The following CPEB3 variants were observed in gnomAD, a reference collection of about 807,000 sequenced individuals.
CPEB3 encodes cytoplasmic polyadenylation element binding protein 3, also known as cytoplasmic polyadenylation element-binding protein 3.
In CPEB3, 20 loss-of-function variants were observed where a neutral mutation model predicts 67.2. The ratio of observed to expected loss-of-function variants is 0.30; its 90% CI spans 0.21 to 0.43. The LOEUF is 0.43. Among genes scored for constraint, CPEB3 ranks in the 20% least tolerant of loss-of-function variants. The pLI is 1.00. For synonymous variants in CPEB3, 376 were observed against 393.1 expected, an observed-to-expected ratio of 0.96 and a Z score of 0.51; for missense variants, 746 against 968.6, an observed-to-expected ratio of 0.77 and a Z score of 3.05.
At position 92,194,503 on chromosome 10, in the gene CPEB3, A is replaced by T. The variant is rs528011961; in HGVS notation, c.1006-1867T>A. On this transcript the variant is annotated intron_variant, in intron 2 of 9. Coordinates refer to ENST00000265997, the MANE Select transcript of CPEB3 (RefSeq NM_014912.5). ...AAGATAATGGCAAAAAGGAAAAAAA[A>T]TTTTTAATGTGTCCAAAGTACGAAA... Among the ~76,000 whole-genome samples the T allele has an allele frequency of 3.9e-4, 60 of 152,256 alleles. No homozygotes were observed. In the East Asian group the frequency reaches 7.7e-3, roughly 20 times the overall value.
intron 1 of CPEB3, among the ~76,000 whole-genome samples, chr10:92,287,769 T>C (rs1315716663): frequency 6.6e-6 from 1 of 152,228 alleles, no homozygotes; most frequent in Non-Finnish European, 1.5e-5. Flanking sequence ...TCTAATTTTA[T>C]CTTATTTGTG....
chr10:92,061,824 G>A (rs889359544), intron 9 of CPEB3, among the ~76,000 whole-genome samples: 1 of 152,182 alleles, frequency 6.6e-6, no homozygotes, highest in Non-Finnish European at 1.5e-5. Flanking sequence ...AAAATAAGGA[G>A]TGTAATTGGA....
intron 2 of CPEB3, among the ~76,000 whole-genome samples, chr10:92,197,335 A>G (rs1327106113): frequency 6.6e-6 from 1 of 152,234 alleles, no homozygotes; most frequent in Non-Finnish European, 1.5e-5. Flanking sequence ...ATTAACCAGG[A>G]AGTCTGCAAA....
chr10:92,274,651 T>G (rs189767937), intron 1 of CPEB3, among the ~76,000 whole-genome samples: 6 of 152,040 alleles, frequency 3.9e-5, no homozygotes, highest in African/African-American at 7.2e-5. Context: ...GACCAGCCTC[T>G]CCAACATGGT....
chr10:92,171,989 G>T (rs1848024847), intron 4 of CPEB3, among the ~76,000 whole-genome samples: 1 of 152,088 alleles, frequency 6.6e-6, no homozygotes, highest in Admixed American at 6.6e-5. Flanking sequence ...AGGGGTTAAA[G>T]TGTCCATTTA....
At chr10:92,156,659 T>C (rs574702663) in intron 4 of CPEB3, among the ~76,000 whole-genome samples, 2 of 152,328 alleles carry the variant, frequency 1.3e-5, no homozygotes, top group Non-Finnish European at 2.9e-5. Context: ...ACAAGTATGG[T>C]ACAAAATATG....
chr10:92,225,769 C>T (rs894680204), intron 2 of CPEB3, among the ~76,000 whole-genome samples: 1 of 151,872 alleles, frequency 6.6e-6, no homozygotes, highest in African/African-American at 2.4e-5. Flanking sequence ...GAAAATATAC[C>T]AAAACATTAA....
At chr10:92,129,194 C>G (rs1230436276) in intron 6 of CPEB3, among the ~76,000 whole-genome samples, 1 of 152,160 alleles carries the variant, frequency 6.6e-6, no homozygotes, top group African/African-American at 2.4e-5. Flanking sequence ...TTTGCAGGAA[C>G]ACAGATGGAG....
intron 9 of CPEB3, among the ~76,000 whole-genome samples, chr10:92,066,749 TA>T (rs1489802563): frequency 1.3e-5 from 2 of 152,158 alleles, no homozygotes; most frequent in African/African-American, 4.8e-5. Flanking sequence ...AAAGAATGTC[TA>T]AACATAAATT....
At chr10:92,284,285 C>T (rs1231698560) in intron 1 of CPEB3, among the ~76,000 whole-genome samples, 2 of 151,952 alleles carry the variant, frequency 1.3e-5, no homozygotes, top group African/African-American at 4.8e-5. Context: ...CATCCGCCCG[C>T]CTCAGCCTCC....
intron 4 of CPEB3, among the ~76,000 whole-genome samples, chr10:92,161,000 C>T (rs1164344394): frequency 6.6e-6 from 1 of 152,090 alleles, no homozygotes; most frequent in African/African-American, 2.4e-5. Context: ...AGCGATTCTC[C>T]CACCTCAGCC....
At chr10:92,286,376 G>T (rs1039493252) in intron 1 of CPEB3, among the ~76,000 whole-genome samples, 16 of 152,016 alleles carry the variant, frequency 1.1e-4, no homozygotes, top group African/African-American at 3.9e-4. Context: ...CTTGAGGTCA[G>T]GAGTTCAAGA....
intron 2 of CPEB3, among the ~76,000 whole-genome samples, chr10:92,236,755 C>T (rs1471110076): frequency 2.6e-5 from 4 of 152,084 alleles, no homozygotes; most frequent in South Asian, 2.1e-4. Context: ...GTCACACACA[C>T]ACACACACAC....
chr10:92,216,819 T>C, intron 2 of CPEB3: 4 of 1,606,914 alleles, frequency 2.5e-6, no homozygotes, highest in Non-Finnish European at 2.6e-6. Flanking sequence ...CCTGGGCACC[T>C]GCCGCTGGAA....
chr10:92,282,765 A>G (rs548031653), intron 1 of CPEB3, among the ~76,000 whole-genome samples: 3 of 152,212 alleles, frequency 2.0e-5, no homozygotes, highest in African/African-American at 4.8e-5. Flanking sequence ...GTCTCCTCTT[A>G]ATGTCCTTTA....
intron 9 of CPEB3, among the ~76,000 whole-genome samples, chr10:92,071,142 A>G (rs1842737254): frequency 6.6e-6 from 1 of 152,102 alleles, no homozygotes; most frequent in Non-Finnish European, 1.5e-5. Context: ...GATACAGTCA[A>G]GACTAAAACC....
chr10:92,182,698 T>C lies in CPEB3; in HGVS notation c.1166-1679A>G, dbSNP rs529346496. Among the ~76,000 whole-genome samples the C allele has an allele frequency of 4.6e-5, 7 of 152,002 alleles. No homozygotes were observed. In the South Asian group the frequency reaches 1.2e-3, roughly 27 times the overall value. On this transcript the variant is annotated intron_variant, in intron 3 of 9. Coordinates refer to ENST00000265997, the MANE Select transcript of CPEB3 (RefSeq NM_014912.5). ...AAAATTAGCTGGGTGTGGTGGTGGA[T>C]GCCCATAATCCCAGCTACTTGGGAG...
intron 2 of CPEB3, chr10:92,204,264 G>C (rs553387570): frequency 2.6e-5 from 4 of 152,142 alleles, no homozygotes; most frequent in Admixed American, 6.5e-5. Context: ...TCTGACAGGG[G>C]CTGCGACGTG....
At chr10:92,147,145 A>G (rs1310374397) in intron 4 of CPEB3, among the ~76,000 whole-genome samples, 3 of 152,178 alleles carry the variant, frequency 2.0e-5, no homozygotes, top group Non-Finnish European at 4.4e-5. Context: ...AAAGGCTACG[A>G]AAAGTTCTAC....
Sources: allele counts gnomAD v4.1 joint callset (sites outside exome capture counted in the v4.1 genomes callset), GRCh38; gene constraint gnomAD v4.1.1; transcripts MANE v1.5; gene names NCBI Gene and HGNC (gene_info 2026-07-23, HGNC 2026-07-21).